The following FAM47E variants were observed in gnomAD, a reference collection of about 807,000 sequenced individuals.
FAM47E encodes protein FAM47E.
FAM47E carries 32 observed loss-of-function variants against 41.6 expected under a neutral mutation model. That is an observed-to-expected ratio of 0.77 (90% CI 0.58 to 1.03). The LOEUF (loss-of-function observed/expected upper bound fraction) is 1.03, where lower values mean the gene tolerates loss of function less well. FAM47E is among the 50% of genes least tolerant of loss of function. The pLI is 0.00. For missense variants in FAM47E, 424 were observed against 485.4 expected, an observed-to-expected ratio of 0.87 and a Z score of 1.19; for synonymous variants, 184 against 188.7, an observed-to-expected ratio of 0.98 and a Z score of 0.20.
chr4:76,278,468 C>G, intron 6 of FAM47E: 1 of 424,462 alleles, frequency 2.4e-6, no homozygotes, highest in Non-Finnish European at 4.1e-6. Flanking sequence ...GCTACTCATG[C>G]TATTCCACCA....
At chr4:76,248,804 C>CTCTG (rs1444801740), upstream of FAM47E, among the ~76,000 whole-genome samples, 1 of 151,758 alleles carries the variant, frequency 6.6e-6, no homozygotes, top group Non-Finnish European at 1.5e-5. Context: ...CAGTCTCTCT[C>CTCTG]TCTCTCTCTC....
intron 5 of FAM47E, 102 bp downstream of exon 5, chr4:76,271,870 A>G (rs1306037376): frequency 1.5e-6 from 2 of 1,338,224 alleles, no homozygotes; most frequent in Non-Finnish European, 2.0e-6. Context: ...TGGTTTTTTA[A>G]AGTAGAATTC....
Position 76,283,467 on chromosome 4 carries a change from TAGG to T in FAM47E, c.*12_*14del. 1 of 1,498,846 alleles carries T rather than the reference TAGG, an allele frequency of 6.7e-7. No homozygotes were observed. The highest frequency in any genetic ancestry group is 9.1e-7 in the Non-Finnish European group (1 of 1,099,482). The allele number at this position is 1,498,846 out of a possible 1,614,324, so 92.8% of individuals were successfully genotyped here. A position where few individuals can be genotyped will look rare whatever the true frequency, so the allele number is the denominator to read the frequency against. On this transcript the variant is annotated 3_prime_UTR_variant, in exon 8 of 8. Transcript: ENST00000424749. ...AACGAACTCAAGCATAGAAGAATCG[TAGG>T]AGAATGATTAGGCAGATTTTATTAC... is the stretch of plus-strand genomic sequence containing the variant.
chr4:76,280,117 A>G, intron 6 of FAM47E, 147 bp from the exon 7 acceptor site: 1 of 549,456 alleles, frequency 1.8e-6, no homozygotes, highest in Non-Finnish European at 3.2e-6. Context: ...TCATCAACTC[A>G]TGAACATTAC....
chr4:76,230,912 C>CAGG (rs534457649), intron 2 of FAM47E, among the ~76,000 whole-genome samples: 199 of 152,312 alleles, frequency 1.3e-3, no homozygotes, highest in African/African-American at 4.5e-3. Context: ...GCTTAATTGG[C>CAGG]AGGAATCAGC....
chr4:76,268,508 C>G, intron 3 of FAM47E, 152 bp from the exon 4 acceptor site: 1 of 723,422 alleles, frequency 1.4e-6, no homozygotes, highest in Admixed American at 3.4e-5. Flanking sequence ...AGAATGTGCT[C>G]TTTGAAAAAT....
intron 2 of FAM47E, among the ~76,000 whole-genome samples, chr4:76,230,739 G>A (rs949491608): frequency 6.0e-4 from 92 of 152,124 alleles, no homozygotes; most frequent in African/African-American, 2.1e-3. Flanking sequence ...GTGTTAAAAT[G>A]ACTTACACTC....
At chr4:76,230,745 C>T (rs994521759) in intron 2 of FAM47E, among the ~76,000 whole-genome samples, 6 of 152,160 alleles carry the variant, frequency 3.9e-5, no homozygotes, top group Non-Finnish European at 8.8e-5. Flanking sequence ...AAATGACTTA[C>T]ACTCATGAAG....
chr4:76,266,473 A>G (rs7687964), intron 3 of FAM47E, among the ~76,000 whole-genome samples: 90,065 of 151,930 alleles, frequency 0.59, 26,975 homozygotes, highest in Middle Eastern at 0.66. Context: ...AATGGTAATG[A>G]CTTTACTTTT....
rs947091190 is a variant in FAM47E at position 76,251,837 on chromosome 4, C to G, written c.74+17C>G. 1.1e-5 allele frequency: 16 copies of G among 1,427,570 alleles called. No individual in the cohort carries two copies. Among genetic ancestry groups the G allele is most frequent in the Non-Finnish European group, 1.5e-5 (16 of 1,094,590 alleles). The allele number at this position is 1,427,570 out of a possible 1,614,324, so 88.4% of individuals were successfully genotyped here. On this transcript the variant is annotated intron_variant, in intron 1 of 7. Transcript: ENST00000424749. The stretch of plus-strand genomic sequence containing the variant: ...CAGGTCCAGGTAAACACTCAGCGCC[C>G]GGGCCGAGGGCGCATCCCACGCGGG...
chr4:76,249,555 C>T (rs146701266), upstream of FAM47E, among the ~76,000 whole-genome samples: 135 of 151,920 alleles, frequency 8.9e-4, no homozygotes, highest in Middle Eastern at 3.4e-3. Flanking sequence ...TCTGGGCATC[C>T]GTTATTTGTT....
chr4:76,233,571 A>G (rs1025363245), intron 2 of FAM47E, among the ~76,000 whole-genome samples: 1 of 82,436 alleles, frequency 1.2e-5, no homozygotes, highest in African/African-American at 4.4e-5. Flanking sequence ...TTTTACAGAC[A>G]TCACACACAC....
intron 3 of FAM47E, chr4:76,267,517 G>C (rs1734692537): frequency 6.6e-6 from 1 of 152,228 alleles, no homozygotes; most frequent in Non-Finnish European, 1.5e-5. Flanking sequence ...TGGAGGTTGT[G>C]TCAAGATTTA....
upstream of FAM47E, among the ~76,000 whole-genome samples, chr4:76,251,232 T>G (rs1020081608): frequency 6.6e-6 from 1 of 152,110 alleles, no homozygotes; most frequent in Admixed American, 6.6e-5. Context: ...GGAAATCAGC[T>G]GGGGACTAGA....
chr4:76,244,533 CTTTT>C (rs71212407), intron 2 of FAM47E, among the ~76,000 whole-genome samples: 37 of 66,042 alleles, frequency 5.6e-4, no homozygotes, highest in Non-Finnish European at 6.1e-4. Flanking sequence ...AGGCATTCTT[CTTTT>C]TTTTTTTTTT....
intron 2 of FAM47E, among the ~76,000 whole-genome samples, chr4:76,243,662 C>T (rs1183771861): frequency 6.6e-6 from 1 of 152,202 alleles, no homozygotes; most frequent in Admixed American, 6.5e-5. Flanking sequence ...TCCCTATTCT[C>T]CACTTCTGTT....
chr4:76,250,505 G>C (rs1006507678), upstream of FAM47E, among the ~76,000 whole-genome samples: 1 of 151,966 alleles, frequency 6.6e-6, no homozygotes, highest in African/African-American at 2.4e-5. Flanking sequence ...CCCACTCTGT[G>C]GGCTGTTTAC....
intron 3 of FAM47E, 133 bp from the exon 4 acceptor site, chr4:76,268,527 A>G: frequency 1.2e-6 from 1 of 856,188 alleles, no homozygotes; most frequent in East Asian, 2.8e-5. Flanking sequence ...ATTAAAATAC[A>G]ATTTGTATGT....
intron 1 of FAM47E, among the ~76,000 whole-genome samples, chr4:76,215,729 G>A (rs1397742074): frequency 6.6e-6 from 1 of 152,100 alleles, no homozygotes; most frequent in Non-Finnish European, 1.5e-5. Flanking sequence ...CCCGGAGACT[G>A]CTGCAGAGAA....
Sources: allele counts gnomAD v4.1 joint callset (sites outside exome capture counted in the v4.1 genomes callset), GRCh38; gene constraint gnomAD v4.1.1; transcripts MANE v1.5; gene names NCBI Gene and HGNC (gene_info 2026-07-23, HGNC 2026-07-21).